The following SNAP91 variants were observed in gnomAD, a reference collection of about 807,000 sequenced individuals.
The protein encoded by SNAP91 is clathrin coat assembly protein AP180.
SNAP91 carries 27 observed loss-of-function variants against 100.3 expected under a neutral mutation model. The ratio of observed to expected loss-of-function variants is 0.27; its 90% CI spans 0.20 to 0.37. The LOEUF (loss-of-function observed/expected upper bound fraction) is 0.37. Among genes scored for constraint, SNAP91 ranks in the 10% least tolerant of loss-of-function variants. The pLI is 1.00. For synonymous variants in SNAP91, 404 were observed against 398.6 expected (o/e 1.01, Z -0.16); for missense variants, 986 against 1,123.7 (o/e 0.88, Z 1.75).
chr6:83,692,430 C>T (rs1292103377), intron 2 of SNAP91, among the ~76,000 whole-genome samples: 1 of 151,754 alleles, frequency 6.6e-6, no homozygotes, highest in Non-Finnish European at 1.5e-5. Flanking sequence ...CAGAAGAATC[C>T]CTTGAACCTG....
At chr6:83,591,934 T>C (rs769223152) in intron 21 of SNAP91, among the ~76,000 whole-genome samples, 2 of 152,232 alleles carry the variant, frequency 1.3e-5, no homozygotes, top group Admixed American at 6.5e-5. Context: ...GGGAAATATA[T>C]TTAAATCAGC....
At chr6:83,675,827 A>AACACGCACACACACACAC (rs2098864163) in intron 2 of SNAP91, among the ~76,000 whole-genome samples, 1 of 138,198 alleles carries the variant, frequency 7.2e-6, no homozygotes, top group African/African-American at 2.7e-5. Context: ...CACTTGAAGG[A>AACACGCACACACACACAC]ACACACACAC....
intron 2 of SNAP91, among the ~76,000 whole-genome samples, chr6:83,667,586 T>C (rs1357576891): frequency 6.6e-6 from 1 of 152,064 alleles, no homozygotes; most frequent in African/African-American, 2.4e-5. Flanking sequence ...TTTATTATTA[T>C]TTAAAAGTGA....
intron 8 of SNAP91, among the ~76,000 whole-genome samples, chr6:83,629,199 C>T (rs2097104407): frequency 6.6e-6 from 1 of 152,084 alleles, no homozygotes; most frequent in African/African-American, 2.4e-5. Context: ...TCTGGGTTAT[C>T]TGTTCTGTTC....
In SNAP91 at chr6:83,581,661, T is replaced by A. The variant is rs149315114; in HGVS notation, c.2149+561A>T. Among the ~76,000 whole-genome samples, 833 of 152,338 alleles carry A rather than the reference T, an allele frequency of 5.5e-3. 6 individuals are homozygous for A. The highest frequency in any genetic ancestry group is 8.6e-3 in the Non-Finnish European group (585 of 68,034). On this transcript the variant is annotated intron_variant, in intron 23 of 29. Coordinates refer to ENST00000369694, the MANE Select transcript of SNAP91 (RefSeq NM_001242792.2). Reference sequence around the variant, plus strand: ...GCAGAGGATTTATTTAGGGTGTTTCTGAAACACATTTAATTGCCAAAAACT... The same window carrying A: ...GCAGAGGATTTATTTAGGGTGTTTCAGAAACACATTTAATTGCCAAAAACT...
intron 26 of SNAP91, among the ~76,000 whole-genome samples, chr6:83,569,884 G>C (rs1803573480): frequency 6.6e-6 from 1 of 152,156 alleles, no homozygotes; most frequent in South Asian, 2.1e-4. Flanking sequence ...GGCCTCCCCA[G>C]CCATGTGGAA....
At chr6:83,601,525 G>T in intron 15 of SNAP91, 60 bp downstream of exon 15, 1 of 1,610,934 alleles carries the variant, frequency 6.2e-7, no homozygotes, top group Non-Finnish European at 8.5e-7. Context: ...TCAAAATAAG[G>T]ACAGTTGTTA....
chr6:83,589,639 A>G (rs1024425774), intron 22 of SNAP91, among the ~76,000 whole-genome samples: 4 of 152,302 alleles, frequency 2.6e-5, no homozygotes, highest in Middle Eastern at 3.4e-3. Context: ...ATGTTTGATC[A>G]TAGTAGTCAG....
intron 2 of SNAP91, among the ~76,000 whole-genome samples, chr6:83,667,675 T>C (rs188856655): frequency 2.0e-5 from 3 of 152,084 alleles, no homozygotes; most frequent in Non-Finnish European, 4.4e-5. Flanking sequence ...CTAGGGTACA[T>C]GTGTACAACG....
intron 2 of SNAP91, among the ~76,000 whole-genome samples, chr6:83,706,867 T>C (rs1241058730): frequency 6.6e-6 from 1 of 152,236 alleles, no homozygotes; most frequent in African/African-American, 2.4e-5. Context: ...TACACTCATA[T>C]AGCCTGACTT....
chr6:83,651,962 T>C (rs1181097707), intron 7 of SNAP91, among the ~76,000 whole-genome samples: 1 of 152,182 alleles, frequency 6.6e-6, no homozygotes, highest in Non-Finnish European at 1.5e-5. Flanking sequence ...GTTGCATCTG[T>C]TTGAAAAAAT....
At chr6:83,636,360 T>A (rs568436755) in intron 8 of SNAP91, among the ~76,000 whole-genome samples, 9 of 152,336 alleles carry the variant, frequency 5.9e-5, no homozygotes, top group Non-Finnish European at 1.3e-4. Flanking sequence ...TTGTTCATTT[T>A]GTAAAATTCC....
intron 8 of SNAP91, among the ~76,000 whole-genome samples, chr6:83,637,274 C>T (rs796666655): frequency 5.0e-4 from 76 of 152,276 alleles, no homozygotes; most frequent in African/African-American, 1.8e-3. Flanking sequence ...GCAGGCTGTG[C>T]TACCCTCTCC....
intron 7 of SNAP91, among the ~76,000 whole-genome samples, chr6:83,656,090 C>A (rs1267288541): frequency 6.6e-6 from 1 of 151,998 alleles, no homozygotes; most frequent in East Asian, 1.9e-4. Context: ...TTGAACTACA[C>A]CAAATTATGT....
chr6:83,652,901 A>G (rs2128663471), intron 7 of SNAP91, among the ~76,000 whole-genome samples: 1 of 152,270 alleles, frequency 6.6e-6, no homozygotes, highest in African/African-American at 2.4e-5. Context: ...TCAGCACTAA[A>G]CATTTCACTC....
At chr6:83,621,834 T>C (rs1163020823) in intron 9 of SNAP91, among the ~76,000 whole-genome samples, 4 of 152,212 alleles carry the variant, frequency 2.6e-5, no homozygotes, top group African/African-American at 9.6e-5. Context: ...TAAAGATGAT[T>C]TGCCACTTCT....
intron 22 of SNAP91, among the ~76,000 whole-genome samples, chr6:83,582,738 A>C (rs1830209808): frequency 1.3e-5 from 2 of 152,336 alleles, no homozygotes; most frequent in African/African-American, 4.8e-5. Context: ...TTTCTAGAAA[A>C]TGTTTACTGC....
At chr6:83,582,981 A>C (rs1024585672) in intron 22 of SNAP91, among the ~76,000 whole-genome samples, 1 of 152,198 alleles carries the variant, frequency 6.6e-6, no homozygotes, top group Non-Finnish European at 1.5e-5. Flanking sequence ...AAATGTTGAC[A>C]AAGTTACTTC....
At chr6:83,697,786 G>A (rs531295997) in intron 2 of SNAP91, among the ~76,000 whole-genome samples, 1 of 152,132 alleles carries the variant, frequency 6.6e-6, no homozygotes, top group East Asian at 1.9e-4. Flanking sequence ...TAAGTAGAAA[G>A]TTTATGAGAA....
Sources: allele counts gnomAD v4.1 joint callset (sites outside exome capture counted in the v4.1 genomes callset), GRCh38; gene constraint gnomAD v4.1.1; transcripts MANE v1.5; gene names NCBI Gene and HGNC (gene_info 2026-07-23, HGNC 2026-07-21).